Variants in TRAPPC9 observed in about 807,000 individuals in gnomAD.
TRAPPC9 encodes IKK2 binding protein.
In TRAPPC9, 83 loss-of-function variants were observed where a neutral mutation model predicts 124.0. The observed-to-expected ratio is 0.67, with a 90% CI of 0.56 to 0.80. The LOEUF (loss-of-function observed/expected upper bound fraction) is 0.80, where lower values mean the gene tolerates loss of function less well. TRAPPC9 is among the 30% of genes least tolerant of loss of function. TRAPPC9 has a pLI of 0.00. For synonymous variants in TRAPPC9, 638 were observed against 617.5 expected (o/e 1.03, Z -0.49); for missense variants, 1,302 against 1,508.3 (o/e 0.86, Z 2.27).
intron 17 of TRAPPC9, among the ~76,000 whole-genome samples, chr8:140,185,356 C>T (rs2062328137): frequency 6.6e-6 from 1 of 152,202 alleles, no homozygotes; most frequent in Admixed American, 6.5e-5. Flanking sequence ...GGACAGGTGG[C>T]CTGGTCAGGA....
At chr8:140,053,477 A>G (rs1430941105) in intron 17 of TRAPPC9, among the ~76,000 whole-genome samples, 1 of 152,220 alleles carries the variant, frequency 6.6e-6, no homozygotes, top group East Asian at 1.9e-4. Flanking sequence ...TTGTGACCCA[A>G]TGTGTGATCT....
chr8:140,036,207 A>G (rs1178429066), intron 17 of TRAPPC9, among the ~76,000 whole-genome samples: 1 of 144,176 alleles, frequency 6.9e-6, no homozygotes, highest in Non-Finnish European at 1.5e-5. Context: ...TAAAGGCATG[A>G]CCTGAACGAC....
chr8:139,805,710 G>C (rs1410201776), intron 21 of TRAPPC9, among the ~76,000 whole-genome samples: 1 of 152,176 alleles, frequency 6.6e-6, no homozygotes, highest in African/African-American at 2.4e-5. Flanking sequence ...ATGAGTGGGA[G>C]GGCTGGTAAT....
chr8:139,853,588 C>T (rs755756076), intron 21 of TRAPPC9, among the ~76,000 whole-genome samples: 1 of 152,224 alleles, frequency 6.6e-6, no homozygotes, highest in Non-Finnish European at 1.5e-5. Flanking sequence ...AATGAACAAA[C>T]AGGGCTTCAG....
At chr8:139,755,907 CG>C (rs1819725451) in intron 21 of TRAPPC9, among the ~76,000 whole-genome samples, 1 of 123,304 alleles carries the variant, frequency 8.1e-6, no homozygotes, top group African/African-American at 3.6e-5. Flanking sequence ...GACAGTGTGT[CG>C]CAGGAGGAGC....
At chr8:139,926,863 G>A (rs1832850004) in intron 19 of TRAPPC9, among the ~76,000 whole-genome samples, 1 of 151,942 alleles carries the variant, frequency 6.6e-6, no homozygotes, top group South Asian at 2.1e-4. Flanking sequence ...TAAAACTTTT[G>A]ATATTCAAAA....
chr8:140,135,197 C>A (rs2061279053), intron 17 of TRAPPC9, among the ~76,000 whole-genome samples: 1 of 152,142 alleles, frequency 6.6e-6, no homozygotes, highest in South Asian at 2.1e-4. Flanking sequence ...GAAATTGAAA[C>A]CCTTGTGCAT....
chr8:139,901,404 C>T (rs192448420), intron 20 of TRAPPC9, among the ~76,000 whole-genome samples: 31 of 152,340 alleles, frequency 2.0e-4, no homozygotes, highest in Non-Finnish European at 2.9e-4. Flanking sequence ...CATGAACTTT[C>T]AGAATGCTGA....
At chr8:140,041,341 G>A (rs554097065) in intron 17 of TRAPPC9, among the ~76,000 whole-genome samples, 2 of 152,366 alleles carry the variant, frequency 1.3e-5, no homozygotes, top group African/African-American at 4.8e-5. Context: ...ATCAGTACAG[G>A]TGTTCAAACA....
chr8:140,014,880 C>T (rs975458339), intron 18 of TRAPPC9, among the ~76,000 whole-genome samples: 10 of 152,188 alleles, frequency 6.6e-5, no homozygotes, highest in African/African-American at 2.4e-4. Context: ...CAGGGCATGC[C>T]CTGGAGTCTA....
intron 19 of TRAPPC9, among the ~76,000 whole-genome samples, chr8:139,977,526 G>A (rs1295242857): frequency 6.6e-6 from 1 of 150,944 alleles, no homozygotes; most frequent in Admixed American, 6.6e-5. Context: ...GCTGAGGCAG[G>A]AGAATGGTGT....
chr8:139,902,662 T>A (rs1012177299), intron 20 of TRAPPC9, among the ~76,000 whole-genome samples: 5 of 152,230 alleles, frequency 3.3e-5, no homozygotes, highest in African/African-American at 1.2e-4. Context: ...GAATCTTGTT[T>A]AAAGATATTT....
At chr8:140,005,329 A>T (rs1216416870) in intron 18 of TRAPPC9, among the ~76,000 whole-genome samples, 4 of 152,172 alleles carry the variant, frequency 2.6e-5, no homozygotes, top group African/African-American at 9.7e-5. Flanking sequence ...GAACCTGCAG[A>T]GTAGGAAGGT....
intron 4 of TRAPPC9, among the ~76,000 whole-genome samples, chr8:140,432,632 G>A (rs960041233): frequency 4.6e-5 from 7 of 152,184 alleles, no homozygotes; most frequent in African/African-American, 9.7e-5. Flanking sequence ...CAGCACTTTG[G>A]GAGGCCGAGG....
chr8:140,166,140 CA>C (rs1216293236), intron 17 of TRAPPC9, among the ~76,000 whole-genome samples: 2 of 152,168 alleles, frequency 1.3e-5, no homozygotes, highest in Non-Finnish European at 2.9e-5. Context: ...TCATGATGCC[CA>C]AAAGGCATGA....
At chr8:139,954,227 T>C (rs1385256488) in intron 19 of TRAPPC9, among the ~76,000 whole-genome samples, 2 of 152,174 alleles carry the variant, frequency 1.3e-5, no homozygotes, top group African/African-American at 2.4e-5. Context: ...GTTTCTTGGG[T>C]GTAAACAGAT....
At chr8:139,813,762 TG>T (rs1824612783) in intron 21 of TRAPPC9, among the ~76,000 whole-genome samples, 1 of 152,156 alleles carries the variant, frequency 6.6e-6, no homozygotes, top group Non-Finnish European at 1.5e-5. Context: ...ATGAATCAGA[TG>T]TCACAGGCCC....
intron 16 of TRAPPC9, among the ~76,000 whole-genome samples, chr8:140,222,356 C>G (rs2063354502): frequency 6.6e-6 from 1 of 152,212 alleles, no homozygotes; most frequent in African/African-American, 2.4e-5. Flanking sequence ...CACGAATCAT[C>G]TTTAAGTCCT....
chr8:140,401,920 TCAA>T (rs1366624059), intron 6 of TRAPPC9, among the ~76,000 whole-genome samples: 1 of 148,666 alleles, frequency 6.7e-6, no homozygotes, highest in Non-Finnish European at 1.5e-5. Context: ...GCCATTGCAC[TCAA>T]CCTCTTTTTT....
Sources: allele counts gnomAD v4.1 joint callset (sites outside exome capture counted in the v4.1 genomes callset), GRCh38; gene constraint gnomAD v4.1.1; transcripts MANE v1.5; gene names NCBI Gene and HGNC (gene_info 2026-07-23, HGNC 2026-07-21).